The following NUP93 variants were observed in gnomAD, a reference collection of about 807,000 sequenced individuals.
The protein encoded by NUP93 is nucleoporin 93, also known as nuclear pore complex protein Nup93.
A neutral mutation model predicts 107.8 loss-of-function variants in NUP93; 55 were observed. That is an observed-to-expected ratio of 0.51 (90% CI 0.41 to 0.64). NUP93 has a LOEUF of 0.64. Ranked by LOEUF, NUP93 falls within the 30% of genes least tolerant of loss-of-function variation. The pLI is 0.00. For missense variants in NUP93, 937 were observed against 1,044.7 expected (o/e 0.90, Z 1.42); for synonymous variants, 390 against 397.5 (o/e 0.98, Z 0.22).
intron 5 of NUP93, among the ~76,000 whole-genome samples, chr16:56,809,487 C>T (rs1448427498): frequency 6.6e-6 from 1 of 152,100 alleles, no homozygotes; most frequent in Non-Finnish European, 1.5e-5. Flanking sequence ...TAGGTGTTTT[C>T]AGGTAATATC....
chr16:56,805,059 G>C (rs1444749954), intron 4 of NUP93, among the ~76,000 whole-genome samples: 4 of 151,972 alleles, frequency 2.6e-5, no homozygotes. Context: ...AGGTTGGAGT[G>C]CAGTTTTTTT....
intron 1 of NUP93, among the ~76,000 whole-genome samples, chr16:56,743,404 G>A (rs1246774638): frequency 3.3e-5 from 5 of 152,210 alleles, no homozygotes; most frequent in Non-Finnish European, 7.4e-5. Flanking sequence ...CTAGGTAGGA[G>A]CCCTCTCTTT....
chr16:56,730,398 G>A (rs1462256044), intron 1 of NUP93, among the ~76,000 whole-genome samples, 187 bp downstream of exon 1: 1 of 152,210 alleles, frequency 6.6e-6, no homozygotes, highest in Non-Finnish European at 1.5e-5. Context: ...CCGAGGCTTG[G>A]AGTCGGGCTG....
At chr16:56,834,633 C>T (rs1963873627) in intron 15 of NUP93, 101 bp from the exon 16 acceptor site, 1 of 1,128,244 alleles carries the variant, frequency 8.9e-7, no homozygotes, top group Non-Finnish European at 1.3e-6. Flanking sequence ...TAAGACTTAT[C>T]CCATTCATCC....
At chr16:56,838,275 G>A (rs1239435730) in intron 18 of NUP93, among the ~76,000 whole-genome samples, 5 of 152,054 alleles carry the variant, frequency 3.3e-5, no homozygotes, top group Admixed American at 2.6e-4. Flanking sequence ...GCCTTCCCGG[G>A]GTAACAAAAA....
At chr16:56,844,415 T>C in intron 21 of NUP93, 84 bp from the exon 22 acceptor site, 1 of 753,192 alleles carries the variant, frequency 1.3e-6, no homozygotes, top group African/African-American at 1.8e-5. Context: ...TGGAAGAACA[T>C]GGAATAGAGG....
At chr16:56,777,620 A>G (rs576333261) in intron 3 of NUP93, among the ~76,000 whole-genome samples, 42 of 152,198 alleles carry the variant, frequency 2.8e-4, no homozygotes, top group Non-Finnish European at 5.4e-4. Flanking sequence ...ATTAGTAAGG[A>G]CAGATGAGCT....
intron 3 of NUP93, among the ~76,000 whole-genome samples, chr16:56,778,299 A>G (rs1374252610): frequency 6.6e-6 from 1 of 152,224 alleles, no homozygotes; most frequent in Non-Finnish European, 1.5e-5. Context: ...GAGGTAAGAA[A>G]TGGAAGTTAT....
At chr16:56,826,785 C>T (rs1257357874) in intron 8 of NUP93, among the ~76,000 whole-genome samples, 1 of 151,644 alleles carries the variant, frequency 6.6e-6, no homozygotes, top group African/African-American at 2.4e-5. Flanking sequence ...CAGCGTCTCA[C>T]GTCTGTAATC....
intron 11 of NUP93, 124 bp from the exon 12 acceptor site, chr16:56,832,171 A>G: frequency 1.6e-6 from 2 of 1,226,838 alleles, no homozygotes; most frequent in Non-Finnish European, 1.2e-6. Flanking sequence ...CCAGCTCATA[A>G]CCATAGCCTT....
chr16:56,819,379 A>G (rs983380356), intron 6 of NUP93, among the ~76,000 whole-genome samples: 1 of 152,188 alleles, frequency 6.6e-6, no homozygotes, highest in Non-Finnish European at 1.5e-5. Flanking sequence ...CTTTATTGTA[A>G]TTTGCTGCTT....
chr16:56,823,052 A>G (rs1963581227), intron 7 of NUP93, among the ~76,000 whole-genome samples: 2 of 152,166 alleles, frequency 1.3e-5, no homozygotes, highest in South Asian at 4.1e-4. Flanking sequence ...CGTTGTTTTT[A>G]AGGAGCCATT....
intron 1 of NUP93, among the ~76,000 whole-genome samples, chr16:56,742,055 A>C (rs1177223319): frequency 6.6e-6 from 1 of 152,222 alleles, no homozygotes; most frequent in African/African-American, 2.4e-5. Flanking sequence ...GATAAGGAAA[A>C]GGGAAAATTC....
intron 1 of NUP93, chr16:56,740,752 AC>A (rs1961720657): frequency 6.4e-6 from 1 of 157,316 alleles, no homozygotes; most frequent in Non-Finnish European, 1.4e-5. Context: ...CACTGAGTGA[AC>A]GAGACTCCGT....
At chr16:56,749,384 G>A (rs1295063668) in intron 2 of NUP93, among the ~76,000 whole-genome samples, 1 of 152,186 alleles carries the variant, frequency 6.6e-6, no homozygotes, top group African/African-American at 2.4e-5. Context: ...CACAGCTGGC[G>A]AGTGGTAAAG....
chr16:56,740,130 C>CCCA (rs1318373278), intron 1 of NUP93, among the ~76,000 whole-genome samples: 20 of 146,196 alleles, frequency 1.4e-4, no homozygotes, highest in South Asian at 1.1e-3. Flanking sequence ...GGGGCTGACC[C>CCCA]CCCCACCTCC....
chr16:56,747,659 C>G (rs1344545871), intron 1 of NUP93, among the ~76,000 whole-genome samples: 1 of 152,038 alleles, frequency 6.6e-6, no homozygotes, highest in Non-Finnish European at 1.5e-5. Flanking sequence ...CGAAGAATGC[C>G]TTTGTTTTCC....
intron 20 of NUP93, chr16:56,841,504 G>A (rs1369987497): frequency 1.7e-6 from 1 of 587,340 alleles, no homozygotes; most frequent in African/African-American, 1.9e-5. Flanking sequence ...CACCTGACCT[G>A]AGCAGCATTG....
chr16:56,848,679 C>G lies in NUP93; in HGVS notation c.*4070C>G, dbSNP rs1315660990. ...GTTCTGAAAAGAGATTTCAAGTGGT[C>G]TGTGCTGCTTTTTTGCCTTGTTACG... On this transcript the variant is annotated 3_prime_UTR_variant, in exon 22 of 22. Transcript: ENST00000308159. 1 of 152,198 alleles carries G rather than the reference C, an allele frequency of 6.6e-6. No individual in the cohort carries two copies. Among genetic ancestry groups the G allele is most frequent in the African/African-American group, 2.4e-5 (1 of 41,448 alleles). 9.4% of individuals were successfully genotyped at this position (152,198 alleles called of 1,614,324 possible).
Sources: gnomAD v4.1 joint callset for allele counts (sites outside exome capture counted in the v4.1 genomes callset) on GRCh38, gnomAD v4.1.1 for gene constraint, MANE v1.5 for transcripts, NCBI Gene and HGNC (gene_info 2026-07-23, HGNC 2026-07-21) for gene names.